EYA2: variants seen among roughly 807,000 people sequenced by gnomAD.
EYA2 encodes EYA transcriptional coactivator and phosphatase 2, also known as protein phosphatase EYA2.
EYA2 carries 31 observed loss-of-function variants against 69.2 expected under a neutral mutation model. The observed-to-expected ratio is 0.45, with a 90% CI of 0.34 to 0.60. The LOEUF (loss-of-function observed/expected upper bound fraction) is 0.60, where lower values mean the gene tolerates loss of function less well. Among genes scored for constraint, EYA2 ranks in the 20% least tolerant of loss-of-function variants. EYA2 has a pLI of 0.02. For missense variants in EYA2, 622 were observed against 701.2 expected (o/e 0.89, Z 1.28); for synonymous variants, 257 against 279.4 (o/e 0.92, Z 0.80).
intron 1 of EYA2, among the ~76,000 whole-genome samples, chr20:46,899,574 A>G (rs533052943): frequency 1.4e-4 from 22 of 152,338 alleles, no homozygotes; most frequent in African/African-American, 4.1e-4. Context: ...GCCCAAGTCA[A>G]GTTTACCGGA....
intron 5 of EYA2, among the ~76,000 whole-genome samples, chr20:47,019,110 C>A (rs1239452629): frequency 1.3e-5 from 2 of 152,206 alleles, no homozygotes; most frequent in Non-Finnish European, 2.9e-5. Context: ...AGGCACATAA[C>A]CCTCACGCCA....
chr20:47,076,242 C>T (rs2031510423), intron 7 of EYA2, among the ~76,000 whole-genome samples: 1 of 152,174 alleles, frequency 6.6e-6, no homozygotes, highest in African/African-American at 2.4e-5. Context: ...GGTATATATC[C>T]AAATGGTAGT....
At chr20:46,966,255 G>A (rs1203109633) in intron 1 of EYA2, among the ~76,000 whole-genome samples, 1 of 152,082 alleles carries the variant, frequency 6.6e-6, no homozygotes, top group Non-Finnish European at 1.5e-5. Flanking sequence ...CCAAAGTGCT[G>A]GGATTACAGG....
In EYA2 at chr20:47,156,035, T is replaced by TAC. The variant is rs146224832; in HGVS notation, c.978+12903_978+12904dup. Among the ~76,000 whole-genome samples, 68 of 70,168 alleles carry TAC rather than the reference T, an allele frequency of 9.7e-4. 2 individuals carry two copies. The highest frequency in any genetic ancestry group is 7.8e-3 in the Middle Eastern group (1 of 128). 46.0% of individuals were successfully genotyped at this position (70,168 alleles called of 152,430 possible). A position where few individuals can be genotyped will look rare whatever the true frequency, so the allele number is the denominator to read the frequency against. ...CTACTTAAATATATATATATATACA[T>TAC]ACACACACACACACACATATATATA... On this transcript the variant is annotated intron_variant, in intron 10 of 15. Transcript: ENST00000327619.
At chr20:47,107,263 G>A (rs570828216) in intron 9 of EYA2, among the ~76,000 whole-genome samples, 4 of 152,138 alleles carry the variant, frequency 2.6e-5, no homozygotes, top group South Asian at 2.1e-4. Context: ...AGTGACACAC[G>A]CCTGTAATCC....
intron 1 of EYA2, among the ~76,000 whole-genome samples, chr20:46,919,078 T>C (rs1422080288): frequency 1.3e-5 from 2 of 152,242 alleles, no homozygotes; most frequent in Admixed American, 6.5e-5. Context: ...CAGCAAACCA[T>C]GCTGTAAGCA....
intron 9 of EYA2, among the ~76,000 whole-genome samples, chr20:47,120,230 G>C (rs1263812061): frequency 1.3e-5 from 2 of 149,914 alleles, no homozygotes; most frequent in Non-Finnish European, 2.9e-5. Flanking sequence ...AAATAAAATA[G>C]CCAGGCATGG....
intron 7 of EYA2, among the ~76,000 whole-genome samples, chr20:47,077,985 C>T (rs1252608387): frequency 1.3e-5 from 2 of 152,152 alleles, no homozygotes; most frequent in African/African-American, 2.4e-5. Flanking sequence ...CACTATCCGT[C>T]TATAATTCAA....
intron 1 of EYA2, among the ~76,000 whole-genome samples, chr20:46,921,532 G>A (rs1423155324): frequency 6.6e-6 from 1 of 152,196 alleles, no homozygotes; most frequent in East Asian, 1.9e-4. Context: ...CCCATGGGCA[G>A]TCACAACATG....
At chr20:47,086,482 G>A (rs7267373) in intron 7 of EYA2, among the ~76,000 whole-genome samples, 32,226 of 152,090 alleles carry the variant, frequency 0.21, 4,111 homozygotes, top group South Asian at 0.33. Context: ...CAATCATGGC[G>A]GAAGGTAAAA....
intron 1 of EYA2, among the ~76,000 whole-genome samples, chr20:46,965,879 G>A (rs1345474401): frequency 3.3e-5 from 5 of 152,208 alleles, no homozygotes; most frequent in African/African-American, 9.6e-5. Flanking sequence ...TGGCTGTCGC[G>A]GATGCTTCGC....
chr20:47,090,777 G>C (rs542062041), intron 8 of EYA2, among the ~76,000 whole-genome samples: 13 of 152,216 alleles, frequency 8.5e-5, no homozygotes, highest in Non-Finnish European at 1.6e-4. Flanking sequence ...CTTGTCATTT[G>C]TTATGCAAGT....
chr20:47,015,899 C>T (rs1431857866), intron 4 of EYA2, among the ~76,000 whole-genome samples: 1 of 152,232 alleles, frequency 6.6e-6, no homozygotes, highest in Non-Finnish European at 1.5e-5. Context: ...CATGGTGTTA[C>T]TAGACCATCT....
At chr20:47,007,597 G>C (rs538862893) in intron 4 of EYA2, among the ~76,000 whole-genome samples, 3 of 151,818 alleles carry the variant, frequency 2.0e-5, no homozygotes, top group Non-Finnish European at 4.4e-5. Flanking sequence ...ACTTAGGTGG[G>C]TTTTTTTTAA....
At chr20:47,134,977 A>C (rs1217451885) in intron 9 of EYA2, among the ~76,000 whole-genome samples, 1 of 152,044 alleles carries the variant, frequency 6.6e-6, no homozygotes, top group Admixed American at 6.5e-5. Flanking sequence ...AATACAAAAA[A>C]TTAGCCGGGC....
intron 1 of EYA2, among the ~76,000 whole-genome samples, chr20:46,981,186 T>C (rs751785073): frequency 3.0e-4 from 45 of 152,158 alleles, no homozygotes; most frequent in Non-Finnish European, 4.3e-4. Context: ...CCCAGCGTGG[T>C]TGAGAGAATT....
rs117209782 is a variant in EYA2 at position 47,031,825 on chromosome 20, G to T, written c.415+15528G>T. Reference sequence around the variant, plus strand: ...TCTGATCATTGGCAGGGGCAGGGGTGGGGGAAGGGGAGTGGAATGAGAAAA... The same window carrying T: ...TCTGATCATTGGCAGGGGCAGGGGTTGGGGAAGGGGAGTGGAATGAGAAAA... On this transcript the variant is annotated intron_variant, in intron 5 of 15. Transcript: ENST00000327619. Among the ~76,000 whole-genome samples, 265 of 152,198 alleles carry T rather than the reference G, an allele frequency of 1.7e-3. 5 individuals are homozygous for T. In the East Asian group the frequency reaches 0.046, roughly 26 times the overall value.
intron 1 of EYA2, among the ~76,000 whole-genome samples, chr20:46,905,052 A>G (rs1343339176): frequency 6.6e-6 from 1 of 152,204 alleles, no homozygotes; most frequent in East Asian, 1.9e-4. Context: ...AAATTAAAGT[A>G]TACAGGTATG....
intron 5 of EYA2, among the ~76,000 whole-genome samples, chr20:47,034,436 A>T (rs1311487963): frequency 1.3e-5 from 2 of 152,192 alleles, no homozygotes; most frequent in East Asian, 3.8e-4. Context: ...GGGGGCAGGG[A>T]GATGAGTAGA....
Sources: allele counts gnomAD v4.1 joint callset (sites outside exome capture counted in the v4.1 genomes callset), GRCh38; gene constraint gnomAD v4.1.1; transcripts MANE v1.5; gene names NCBI Gene and HGNC (gene_info 2026-07-23, HGNC 2026-07-21).